RIMS1: variants seen among roughly 807,000 people sequenced by gnomAD.
RIMS1 encodes the protein regulating synaptic membrane exocytosis 1.
In RIMS1, 83 loss-of-function variants were observed where a neutral mutation model predicts 214.1. That is an observed-to-expected ratio of 0.39 (90% CI 0.32 to 0.47). The LOEUF (loss-of-function observed/expected upper bound fraction) is 0.47, where lower values mean the gene tolerates loss of function less well. Ranked by LOEUF, RIMS1 falls within the 20% of genes least tolerant of loss-of-function variation. The pLI, the probability that RIMS1 is intolerant of heterozygous loss-of-function variation, is 0.99. For synonymous variants in RIMS1, 793 were observed against 786.8 expected, an observed-to-expected ratio of 1.01 and a Z score of -0.13; for missense variants, 2,050 against 2,161.8, an observed-to-expected ratio of 0.95 and a Z score of 1.03.
At chr6:72,214,447 T>C (rs943186938) in intron 6 of RIMS1, among the ~76,000 whole-genome samples, 1 of 152,152 alleles carries the variant, frequency 6.6e-6, no homozygotes, top group Non-Finnish European at 1.5e-5. Context: ...AATTTTCTTA[T>C]ATCAAGGCAC....
chr6:72,190,651 T>G (rs142713052), intron 6 of RIMS1, among the ~76,000 whole-genome samples: 1 of 152,002 alleles, frequency 6.6e-6, no homozygotes, highest in African/African-American at 2.4e-5. Context: ...GTGCATGCTG[T>G]GGGGGAGAAG....
At chr6:72,273,610 T>C (rs2154192342) in intron 22 of RIMS1, among the ~76,000 whole-genome samples, 1 of 152,212 alleles carries the variant, frequency 6.6e-6, no homozygotes, top group East Asian at 1.9e-4. Flanking sequence ...CTAAAAAGCA[T>C]CCATTTAATT....
chr6:72,248,758 C>T (rs1405040804), intron 12 of RIMS1, among the ~76,000 whole-genome samples: 1 of 152,036 alleles, frequency 6.6e-6, no homozygotes, highest in Admixed American at 6.6e-5. Flanking sequence ...AAATAATGAC[C>T]TTTTGCTCCT....
chr6:71,982,367 T>C (rs967436646), intron 2 of RIMS1, among the ~76,000 whole-genome samples: 25 of 152,264 alleles, frequency 1.6e-4, no homozygotes, highest in African/African-American at 6.0e-4. Context: ...CTGTAGGTAT[T>C]AACACAAAAT....
intron 4 of RIMS1, among the ~76,000 whole-genome samples, chr6:72,102,844 T>C (rs983175630): frequency 3.3e-5 from 5 of 152,142 alleles, no homozygotes; most frequent in Admixed American, 2.0e-4. Context: ...ATTTGCATGA[T>C]TGCATTAAAT....
At chr6:72,083,524 A>C (rs1231903897) in intron 2 of RIMS1, among the ~76,000 whole-genome samples, 2 of 152,044 alleles carry the variant, frequency 1.3e-5, no homozygotes, top group African/African-American at 4.8e-5. Flanking sequence ...TGGTCTATTG[A>C]TAGATCATCC....
At chr6:72,122,043 G>T (rs1487343597) in intron 4 of RIMS1, among the ~76,000 whole-genome samples, 1 of 151,712 alleles carries the variant, frequency 6.6e-6, no homozygotes, top group Non-Finnish European at 1.5e-5. Context: ...TGTGCTGCTG[G>T]ATTTGGTTTG....
At chr6:71,903,846 G>C (rs970313552) in intron 1 of RIMS1, among the ~76,000 whole-genome samples, 1 of 151,898 alleles carries the variant, frequency 6.6e-6, no homozygotes, top group Non-Finnish European at 1.5e-5. Flanking sequence ...GAGTTTCCAT[G>C]TTGAGACAAA....
At chr6:72,390,807 C>T in intron 30 of RIMS1, 71 bp downstream of exon 30, 2 of 1,534,580 alleles carry the variant, frequency 1.3e-6, no homozygotes, top group Non-Finnish European at 1.8e-6. Flanking sequence ...GATAACAAAG[C>T]CACTGAGTGT....
At chr6:72,117,591 GGA>G in intron 4 of RIMS1, among the ~76,000 whole-genome samples, 1 of 151,530 alleles carries the variant, frequency 6.6e-6, no homozygotes, top group East Asian at 1.9e-4. Flanking sequence ...AGACCACAGT[GGA>G]ATAAAACTGG....
At position 72,007,635 on chromosome 6, in the gene RIMS1, T is replaced by G. The variant is rs555932610; in HGVS notation, c.245+38572T>G. Among the ~76,000 whole-genome samples, 137 of 152,292 alleles carry G rather than the reference T, an allele frequency of 9.0e-4. 1 individual carries two copies. The highest frequency in any genetic ancestry group is 3.2e-4 in the Non-Finnish European group (22 of 68,022). On this transcript the variant is annotated intron_variant, in intron 2 of 33. Transcript: ENST00000521978. Reference sequence around the variant, plus strand: ...AATGCAAAGAAGTCCTTAAAGGACCTGATGGAGCTGAAAACCATGGCATGA... The same window carrying G: ...AATGCAAAGAAGTCCTTAAAGGACCGGATGGAGCTGAAAACCATGGCATGA...
chr6:72,268,072 G>A (rs1361580531), intron 22 of RIMS1, among the ~76,000 whole-genome samples: 3 of 152,090 alleles, frequency 2.0e-5, no homozygotes, highest in Admixed American at 1.3e-4. Context: ...TTTATGTAAT[G>A]TAAAATAAAA....
chr6:71,912,814 A>T (rs989601744), intron 1 of RIMS1, among the ~76,000 whole-genome samples: 2 of 152,196 alleles, frequency 1.3e-5, no homozygotes, highest in East Asian at 3.8e-4. Flanking sequence ...TTAAAGGAGA[A>T]AAGTATTTGC....
intron 2 of RIMS1, among the ~76,000 whole-genome samples, chr6:72,015,019 T>C (rs984260085): frequency 1.3e-5 from 2 of 152,224 alleles, no homozygotes; most frequent in South Asian, 2.1e-4. Context: ...GCCAAAATGC[T>C]TGGGACCAGA....
At chr6:71,940,977 A>G (rs939419356) in intron 1 of RIMS1, among the ~76,000 whole-genome samples, 9 of 152,182 alleles carry the variant, frequency 5.9e-5, no homozygotes, top group African/African-American at 2.2e-4. Context: ...AGAAATGGGA[A>G]GTCAGGGTCT....
chr6:72,387,699 A>G (rs950591875), intron 29 of RIMS1, among the ~76,000 whole-genome samples: 4 of 152,220 alleles, frequency 2.6e-5, no homozygotes, highest in Admixed American at 6.5e-5. Flanking sequence ...TAGGTAGGTA[A>G]GTGGGAACAT....
chr6:72,040,238 T>C (rs1821058196), intron 2 of RIMS1, among the ~76,000 whole-genome samples: 1 of 152,180 alleles, frequency 6.6e-6, no homozygotes, highest in Admixed American at 6.6e-5. Context: ...TTTTCCCTTA[T>C]GCATGATAAT....
intron 1 of RIMS1, among the ~76,000 whole-genome samples, chr6:71,945,870 C>T (rs1299428110): frequency 2.6e-5 from 4 of 151,828 alleles, no homozygotes; most frequent in African/African-American, 9.7e-5. Flanking sequence ...CTGCCTCAGC[C>T]TCCCAAGTAG....
At chr6:72,089,810 A>C (rs901325417) in intron 2 of RIMS1, among the ~76,000 whole-genome samples, 1 of 144,708 alleles carries the variant, frequency 6.9e-6, no homozygotes, top group Non-Finnish European at 1.5e-5. Context: ...AAAATGTGGC[A>C]CATATACACC....
Sources: gnomAD v4.1 joint callset for allele counts (sites outside exome capture counted in the v4.1 genomes callset) on GRCh38, gnomAD v4.1.1 for gene constraint, MANE v1.5 for transcripts, NCBI Gene and HGNC (gene_info 2026-07-23, HGNC 2026-07-21) for gene names.